The following CSMD1 variants were observed in gnomAD, a reference collection of about 807,000 sequenced individuals.
CSMD1 encodes the protein CUB and sushi domain-containing protein 1.
CSMD1 carries 213 observed loss-of-function variants against 417.5 expected under a neutral mutation model. The ratio of observed to expected loss-of-function variants is 0.51; its 90% CI spans 0.46 to 0.57. CSMD1 has a LOEUF of 0.57. CSMD1 is among the 20% of genes least tolerant of loss of function. CSMD1 has a pLI of 0.00. For missense variants in CSMD1, 6,923 were observed against 4,529.7 expected (o/e 1.53, Z -15.17); for synonymous variants, 2,862 against 1,736.8 (o/e 1.65, Z -16.11).
intron 50 of CSMD1, among the ~76,000 whole-genome samples, chr8:3,039,233 C>T (rs748037600): frequency 3.9e-5 from 6 of 151,922 alleles, no homozygotes; most frequent in South Asian, 2.1e-4. Context: ...CTTCTCAGCC[C>T]GCAAAATCTG....
chr8:4,706,634 G>A (rs77598441), intron 1 of CSMD1, among the ~76,000 whole-genome samples: 1 of 152,100 alleles, frequency 6.6e-6, no homozygotes, highest in Non-Finnish European at 1.5e-5. Flanking sequence ...AGTATTTTAG[G>A]AGTGAAGAAA....
chr8:4,027,073 C>A (rs1465982886), intron 4 of CSMD1, among the ~76,000 whole-genome samples: 3 of 152,128 alleles, frequency 2.0e-5, no homozygotes, highest in Non-Finnish European at 4.4e-5. Flanking sequence ...CTCAGGCCAG[C>A]CAGGATAGGT....
intron 44 of CSMD1, 135 bp from the exon 45 acceptor site, chr8:3,107,933 T>G (rs1458229423): frequency 1.8e-6 from 1 of 570,128 alleles, no homozygotes; most frequent in African/African-American, 2.0e-5. Flanking sequence ...TCCTGAATCA[T>G]AGCTTTATAA....
intron 1 of CSMD1, among the ~76,000 whole-genome samples, chr8:4,708,930 A>G (rs575624326): frequency 1.3e-5 from 2 of 152,334 alleles, no homozygotes; most frequent in East Asian, 3.9e-4. Flanking sequence ...GTGGTCATTC[A>G]CAAGCCAAAG....
chr8:4,008,428 G>C (rs1455783314), intron 4 of CSMD1, among the ~76,000 whole-genome samples: 1 of 150,658 alleles, frequency 6.6e-6, no homozygotes, highest in Non-Finnish European at 1.5e-5. Context: ...TTTTTTATTT[G>C]GAATCTGAAA....
chr8:3,940,362 A>G (rs894893304), intron 5 of CSMD1, among the ~76,000 whole-genome samples: 3 of 151,976 alleles, frequency 2.0e-5, no homozygotes, highest in African/African-American at 7.3e-5. Flanking sequence ...TGGTGGGGGG[A>G]AAACAGTATG....
intron 2 of CSMD1, among the ~76,000 whole-genome samples, chr8:4,623,550 C>G (rs1324667667): frequency 6.6e-6 from 1 of 151,650 alleles, no homozygotes; most frequent in Non-Finnish European, 1.5e-5. Context: ...AGCTTTATTT[C>G]TAATAGCTAA....
At chr8:3,928,868 C>G (rs1447062924) in intron 5 of CSMD1, among the ~76,000 whole-genome samples, 1 of 134,686 alleles carries the variant, frequency 7.4e-6, no homozygotes, top group African/African-American at 2.8e-5. Flanking sequence ...GGAGAAATGT[C>G]ATGGAGCTTT....
At chr8:4,454,253 C>G (rs962924233) in intron 2 of CSMD1, among the ~76,000 whole-genome samples, 2 of 152,250 alleles carry the variant, frequency 1.3e-5, no homozygotes, top group South Asian at 4.2e-4. Context: ...CAGTGCTTAC[C>G]GCCTCTCACT....
chr8:3,400,732 A>G (rs1342301499), intron 15 of CSMD1, among the ~76,000 whole-genome samples: 1 of 151,806 alleles, frequency 6.6e-6, no homozygotes, highest in East Asian at 1.9e-4. Context: ...TTCAGTGAAC[A>G]CGGCAGTGGA....
chr8:4,030,088 C>T (rs910724181), intron 4 of CSMD1, among the ~76,000 whole-genome samples: 1 of 152,196 alleles, frequency 6.6e-6, no homozygotes, highest in African/African-American at 2.4e-5. Flanking sequence ...CTCCTGGATG[C>T]TTTCATGGGC....
intron 11 of CSMD1, among the ~76,000 whole-genome samples, chr8:3,478,195 C>A (rs1401287932): frequency 6.6e-6 from 1 of 152,188 alleles, no homozygotes; most frequent in Non-Finnish European, 1.5e-5. Flanking sequence ...GACTTAACAT[C>A]AATCATTTAC....
At chr8:4,025,260 C>G (rs778007757) in intron 4 of CSMD1, among the ~76,000 whole-genome samples, 3 of 152,176 alleles carry the variant, frequency 2.0e-5, no homozygotes, top group Non-Finnish European at 4.4e-5. Flanking sequence ...TACCTGCTTC[C>G]TTTCTACCTT....
intron 50 of CSMD1, among the ~76,000 whole-genome samples, chr8:3,050,889 G>A (rs1185215506): frequency 2.0e-5 from 3 of 152,168 alleles, no homozygotes; most frequent in Admixed American, 6.5e-5. Flanking sequence ...AAGACTATGT[G>A]AATCCTTCTG....
intron 11 of CSMD1, among the ~76,000 whole-genome samples, chr8:3,480,839 G>A (rs570927016): frequency 4.6e-5 from 7 of 152,124 alleles, no homozygotes; most frequent in South Asian, 2.1e-4. Context: ...ATTATCAGGC[G>A]TATAATTTGT....
intron 49 of CSMD1, among the ~76,000 whole-genome samples, chr8:3,069,189 A>C (rs1275873812): frequency 2.0e-5 from 3 of 152,146 alleles, no homozygotes; most frequent in Non-Finnish European, 4.4e-5. Context: ...TAATCTCAGC[A>C]CTTTGGTAGG....
At chr8:4,026,509 G>C (rs1200775984) in intron 4 of CSMD1, among the ~76,000 whole-genome samples, 1 of 152,148 alleles carries the variant, frequency 6.6e-6, no homozygotes, top group Admixed American at 6.5e-5. Flanking sequence ...AACCACTGGA[G>C]GATATGTAAG....
At chr8:4,829,347 G>A (rs114470449) in intron 1 of CSMD1, among the ~76,000 whole-genome samples, 26 of 152,212 alleles carry the variant, frequency 1.7e-4, no homozygotes, top group African/African-American at 6.0e-4. Flanking sequence ...TACATTACGT[G>A]TCTATACTGG....
Position 3,167,295 on chromosome 8 carries a change from A to G in CSMD1, c.5726-5018T>C, listed in dbSNP as rs1010257882. Among the ~76,000 whole-genome samples, 204 of 149,398 alleles carry G rather than the reference A, an allele frequency of 1.4e-3. 1 individual carries two copies. The highest frequency in any genetic ancestry group is 4.8e-3 in the African/African-American group (189 of 39,112). ...CAAGACTCCAACTTGGAAAAAGAAAAAAAAAAAAAAAAAAGGTGGTTCACA... is the reference window on the plus strand; with the variant it reads ...CAAGACTCCAACTTGGAAAAAGAAAGAAAAAAAAAAAAAAGGTGGTTCACA... On this transcript the variant is annotated intron_variant, in intron 37 of 69. Transcript: ENST00000635120.
Sources: gnomAD v4.1 joint callset for allele counts (sites outside exome capture counted in the v4.1 genomes callset) on GRCh38, gnomAD v4.1.1 for gene constraint, MANE v1.5 for transcripts, NCBI Gene and HGNC (gene_info 2026-07-23, HGNC 2026-07-21) for gene names.